PRXL2B: variants seen among roughly 807,000 people sequenced by gnomAD.
PRXL2B encodes prostamide/prostaglandin F synthase.
Under a neutral mutation model 24.4 loss-of-function variants are expected in PRXL2B, and 26 were observed. That is an observed-to-expected ratio of 1.07 (90% CI 0.78 to 1.48). The LOEUF (loss-of-function observed/expected upper bound fraction) is 1.48. Among genes scored for constraint, PRXL2B ranks in the 40% most tolerant of loss-of-function variants. The probability of loss-of-function intolerance (pLI) is 0.00; values close to 1 mark genes in which losing one functional copy is unlikely to be tolerated. For missense variants in PRXL2B, 269 were observed against 264.8 expected (o/e 1.02, Z -0.11); for synonymous variants, 115 against 118.9 (o/e 0.97, Z 0.21).
chr1:2,590,895 G>A lies in PRXL2B; in HGVS notation c.*1468G>A. The A allele has an allele frequency of 9.9e-7, 1 of 1,008,846 alleles. No individual in the cohort carries two copies. The highest frequency in any genetic ancestry group is 3.4e-4 in the Middle Eastern group (1 of 2,928). The allele number at this position is 1,008,846 out of a possible 1,614,324, so 62.5% of individuals were successfully genotyped here. On this transcript the variant is annotated 3_prime_UTR_variant, in exon 7 of 7. Coordinates refer to ENST00000419916, the MANE Select transcript of PRXL2B (RefSeq NM_152371.5). ...GGCAGGCTTGGCATGGTTGGCCGGG[G>A]CGGGACGTACACTGGGTCGCCGCTA...
chr1:2,589,376 C>A, intron 6 of PRXL2B, 34 bp from the exon 7 acceptor site: 1 of 1,610,942 alleles, frequency 6.2e-7, no homozygotes, highest in African/African-American at 1.3e-5. Flanking sequence ...GATCCAGTGT[C>A]CAGCGGCCCC....
At chr1:2,589,078 G>T (rs1226397818) in intron 6 of PRXL2B, 38 bp downstream of exon 6, 1 of 1,588,750 alleles carries the variant, frequency 6.3e-7, no homozygotes. Flanking sequence ...GCCAGCCCAC[G>T]CCCTGCCCCT....
At chr1:2,586,766 C>A, upstream of PRXL2B, 1 of 1,232,804 alleles carries the variant, frequency 8.1e-7, no homozygotes, top group Non-Finnish European at 1.0e-6. Context: ...GGGACCGGGG[C>A]ATCTCGGGGC....
chr1:2,587,133 G>A lies in PRXL2B; in HGVS notation c.106G>A (p.Val36Met). The change falls in exon 2 of 7, where the codon GTG becomes ATG. Residue 36 changes from valine to methionine, a missense_variant. Val to Met is a conservative substitution (Grantham distance 21, BLOSUM62 1). Transcript: ENST00000419916. The surrounding 1 kb of genome is among the most constrained non-coding windows in gnomAD (Gnocchi z 6.1). ...CCTGTGGCGGGAGCACGCGTGCGTG[G>A]TGGCCGGGCTGCGGCGCTTCGGGTG... ...RSLWREHACV[V>M]AGLRRFGCVV... The A allele has an allele frequency of 6.5e-7, 1 of 1,536,594 alleles. No individual in the cohort carries two copies. The highest frequency in any genetic ancestry group is 8.7e-7 in the Non-Finnish European group (1 of 1,147,844).
At position 2,588,635 on chromosome 1, in the gene PRXL2B, G is replaced by C; in HGVS notation, c.460+10G>C. The C allele has an allele frequency of 6.2e-7, 1 of 1,613,208 alleles. No homozygotes were observed. Among genetic ancestry groups the C allele is most frequent in the Non-Finnish European group, 8.5e-7 (1 of 1,179,668 alleles). ...CTGGTGGTCAGCAAAGGTGGGTCGA[G>C]GGAGGGGCCTCGGCCACTGCCTCAA... On this transcript the variant is annotated intron_variant, in intron 5 of 6. Coordinates refer to ENST00000419916, the MANE Select transcript of PRXL2B (RefSeq NM_152371.5).
chr1:2,586,777 G>C lies in PRXL2B; in HGVS notation c.-109G>C. ...AGGCGGGACCGGGGCATCTCGGGGCGGGGCTTGGGGCTGGATCTATGAGCC... is the reference window on the plus strand; with the variant it reads ...AGGCGGGACCGGGGCATCTCGGGGCCGGGCTTGGGGCTGGATCTATGAGCC... On this transcript the variant is annotated 5_prime_UTR_variant, in exon 1 of 7. Transcript: ENST00000419916. 1 of 1,246,238 alleles carries C rather than the reference G, an allele frequency of 8.0e-7. No homozygotes were observed. Among genetic ancestry groups the C allele is most frequent in the Non-Finnish European group, 1.0e-6 (1 of 996,854 alleles). 77.2% of individuals were successfully genotyped at this position (1,246,238 alleles called of 1,614,324 possible).
rs761836788 is a variant in PRXL2B, at chr1:2,589,479, G to C, written c.*52G>C. The C allele has an allele frequency of 2.5e-6, 4 of 1,613,190 alleles. No homozygotes were observed. Among genetic ancestry groups the C allele is most frequent in the Non-Finnish European group, 3.4e-6 (4 of 1,179,528 alleles). On this transcript the variant is annotated 3_prime_UTR_variant, in exon 7 of 7. Coordinates refer to ENST00000419916, the MANE Select transcript of PRXL2B (RefSeq NM_152371.5). ...GATCTGGGTGGCGTCTGCTGCCCTA[G>C]GTGTGCTGGAAGTCCACTTGGAAGA... is the stretch of plus-strand genomic sequence containing the variant.
chr1:2,588,813 G>T, intron 5 of PRXL2B, 109 bp from the exon 6 acceptor site: 1 of 1,251,040 alleles, frequency 8.0e-7, no homozygotes, highest in Non-Finnish European at 1.2e-6. Flanking sequence ...TGGGTAGCCG[G>T]GTGGGGGATA....
chr1:2,586,652 G>T, upstream of PRXL2B: 2 of 1,033,518 alleles, frequency 1.9e-6, no homozygotes, highest in Non-Finnish European at 2.5e-6. Flanking sequence ...AGGGCTCGGG[G>T]TGCGGTCGGG....
chr1:2,586,847 G>A lies in PRXL2B; in HGVS notation c.-39G>A. On this transcript the variant is annotated 5_prime_UTR_variant, in exon 1 of 7. Coordinates refer to ENST00000419916, the MANE Select transcript of PRXL2B (RefSeq NM_152371.5). ...CGAGGAGCCGGGAGCGGGGAACAGG[G>A]AGTCGGGGAGCCGGGAACCAGGGCT... 1 of 1,284,626 alleles carries A rather than the reference G, an allele frequency of 7.8e-7. No individual in the cohort carries two copies. Among genetic ancestry groups the A allele is most frequent in the African/African-American group, 1.5e-5 (1 of 65,104 alleles). 79.6% of individuals were successfully genotyped at this position (1,284,626 alleles called of 1,614,324 possible).
At position 2,591,347 on chromosome 1, in the gene PRXL2B, G is replaced by A. The variant is rs954388068; in HGVS notation, c.*1920G>A. On this transcript the variant is annotated 3_prime_UTR_variant, in exon 7 of 7. Transcript: ENST00000419916. ...TCACACAGAAACATTCGCAGCCTGCGGTAGGCTCCCCCTTCCTAAACCCTT... is the reference window on the plus strand; with the variant it reads ...TCACACAGAAACATTCGCAGCCTGCAGTAGGCTCCCCCTTCCTAAACCCTT... 5.0e-5 allele frequency: 30 copies of A among 601,182 alleles called. No individual in the cohort carries two copies. Among genetic ancestry groups the A allele is most frequent in the Admixed American group, 8.9e-5 (3 of 33,804 alleles). The allele number at this position is 601,182 out of a possible 1,614,324, so 37.2% of individuals were successfully genotyped here.
Position 2,591,292 on chromosome 1 carries a change from G to T in PRXL2B, c.*1865G>T, listed in dbSNP as rs1644696524. ...GAGAATAACCTCCCCTCCAGCCAGA[G>T]ATATTCCAACTCTGCAATAAAACTC... On this transcript the variant is annotated 3_prime_UTR_variant, in exon 7 of 7. Coordinates refer to ENST00000419916, the MANE Select transcript of PRXL2B (RefSeq NM_152371.5). 1 of 595,254 alleles carries T rather than the reference G, an allele frequency of 1.7e-6. No homozygotes were observed. Among genetic ancestry groups the T allele is most frequent in the Admixed American group, 3.0e-5 (1 of 32,788 alleles). The allele number at this position is 595,254 out of a possible 1,614,324, so 36.9% of individuals were successfully genotyped here. A position where few individuals can be genotyped will look rare whatever the true frequency, so the allele number is the denominator to read the frequency against.
chr1:2,590,549 C>T lies in PRXL2B; in HGVS notation c.*1122C>T, dbSNP rs1407235425. On this transcript the variant is annotated 3_prime_UTR_variant, in exon 7 of 7. Transcript: ENST00000419916. ...CCTCCCCATCAGCTCCCAGCTGTCACTCTCTCCCACCCCCGGGCAGCTGTT... is the reference window on the plus strand; with the variant it reads ...CCTCCCCATCAGCTCCCAGCTGTCATTCTCTCCCACCCCCGGGCAGCTGTT... 1 of 155,816 alleles carries T rather than the reference C, an allele frequency of 6.4e-6. No individual in the cohort carries two copies. The highest frequency in any genetic ancestry group is 1.4e-5 in the Non-Finnish European group (1 of 71,564). 9.7% of individuals were successfully genotyped at this position (155,816 alleles called of 1,614,324 possible). A position where few individuals can be genotyped will look rare whatever the true frequency, so the allele number is the denominator to read the frequency against.
rs561441115 is a variant in PRXL2B at position 2,589,550 on chromosome 1, C to T, written c.*123C>T. On this transcript the variant is annotated 3_prime_UTR_variant, in exon 7 of 7. Coordinates refer to ENST00000419916, the MANE Select transcript of PRXL2B (RefSeq NM_152371.5). ...TCGGGATGCCGAACCTCTCCTGATC[C>T]GCCGGCAGCAACGAGCCATTAAAAC... 12 of 1,391,684 alleles carry T rather than the reference C, an allele frequency of 8.6e-6. No individual in the cohort carries two copies. The highest frequency in any genetic ancestry group is 2.9e-5 in the African/African-American group (2 of 70,038). The allele number at this position is 1,391,684 out of a possible 1,614,324, so 86.2% of individuals were successfully genotyped here. A position where few individuals can be genotyped will look rare whatever the true frequency, so the allele number is the denominator to read the frequency against.
Position 2,587,020 on chromosome 1 carries a change from G to T in PRXL2B, c.64-71G>T. ...GCCCGGGCGTCCTGGCAGCGATGGG[G>T]TGGTGGGGGCCGCGGGGCCTGGGCG... is the stretch of plus-strand genomic sequence containing the variant. On this transcript the variant is annotated intron_variant, in intron 1 of 6. Coordinates refer to ENST00000419916, the MANE Select transcript of PRXL2B (RefSeq NM_152371.5). This position sits in a 1 kb window ranked among gnomAD's most constrained non-coding sequence, Gnocchi z 6.1. 2.2e-6 allele frequency: 3 copies of T among 1,334,320 alleles called. No homozygotes were observed. Among genetic ancestry groups the T allele is most frequent in the Admixed American group, 4.1e-5 (1 of 24,234 alleles). 82.7% of individuals were successfully genotyped at this position (1,334,320 alleles called of 1,614,324 possible).
chr1:2,588,695 G>A, intron 5 of PRXL2B, 70 bp downstream of exon 5: 2 of 1,532,342 alleles, frequency 1.3e-6, no homozygotes, highest in Non-Finnish European at 1.8e-6. Context: ...CCCAGCCCAG[G>A]CCCTCTCTCT....
Position 2,589,823 on chromosome 1 carries a change from T to A in PRXL2B, c.*396T>A. ...CCAAGCCCACGTCAGGAGAGGAGCG[T>A]GGGGTCAGCTCCAGCAGGGTCGGGG... is the stretch of plus-strand genomic sequence containing the variant. On this transcript the variant is annotated 3_prime_UTR_variant, in exon 7 of 7. Transcript: ENST00000419916. The A allele has an allele frequency of 3.8e-6, 1 of 262,756 alleles. No individual in the cohort carries two copies. The highest frequency in any genetic ancestry group is 7.3e-6 in the Non-Finnish European group (1 of 137,272). 16.3% of individuals were successfully genotyped at this position (262,756 alleles called of 1,614,324 possible). A position where few individuals can be genotyped will look rare whatever the true frequency, so the allele number is the denominator to read the frequency against.
rs1013420375 is a variant in PRXL2B at position 2,587,660 on chromosome 1, G to C, written c.269-81G>C. On this transcript the variant is annotated intron_variant, in intron 2 of 6. Transcript: ENST00000419916. This position sits in a 1 kb window ranked among gnomAD's most constrained non-coding sequence, Gnocchi z 6.1. Reference sequence around the variant, plus strand: ...GGGCAGAGGAACAGAGGGTCGGAAGGAGGAGGGCGATTCTTTGTGGTGAGT... The same window carrying C: ...GGGCAGAGGAACAGAGGGTCGGAAGCAGGAGGGCGATTCTTTGTGGTGAGT... 6.7e-7 allele frequency: 1 copy of C among 1,483,216 alleles called. No individual in the cohort carries two copies. The highest frequency in any genetic ancestry group is 2.4e-5 in the East Asian group (1 of 41,198). The allele number at this position is 1,483,216 out of a possible 1,614,324, so 91.9% of individuals were successfully genotyped here.
At position 2,587,246 on chromosome 1, in the gene PRXL2B, C is replaced by G. The variant is rs1365786068; in HGVS notation, c.219C>G (p.Pro73=). 4 of 1,577,920 alleles carry G rather than the reference C, an allele frequency of 2.5e-6. No homozygotes were observed. Among genetic ancestry groups the G allele is most frequent in the East Asian group, 4.6e-5 (2 of 43,226 alleles). The change falls in exon 2 of 7, where the codon CCC becomes CCG. Residue 73 remains proline, a synonymous_variant. Coordinates refer to ENST00000419916, the MANE Select transcript of PRXL2B (RefSeq NM_152371.5). This position sits in a 1 kb window ranked among gnomAD's most constrained non-coding sequence, Gnocchi z 6.1. ...QHGVRLVGVG[P]EALGLQEFLD... Reference sequence around the variant, plus strand: ...GCGTGCGCCTGGTGGGCGTAGGGCCCGAGGCCCTGGGTCTGCAGGAGTTCC... The same window carrying G: ...GCGTGCGCCTGGTGGGCGTAGGGCCGGAGGCCCTGGGTCTGCAGGAGTTCC...
Sources: gnomAD v4.1 joint callset for allele counts on GRCh38, gnomAD v4.1.1 for gene constraint, Gnocchi (gnomAD v3.1) non-coding constraint, MANE v1.5 for transcripts, NCBI Gene and HGNC (gene_info 2026-07-23, HGNC 2026-07-21) for gene names.